CDH11: variants seen among roughly 807,000 people sequenced by gnomAD.
CDH11 encodes the protein cadherin 11, also known as cadherin-11.
In CDH11, 11 loss-of-function variants were observed where a neutral mutation model predicts 67.8. The ratio of observed to expected loss-of-function variants is 0.16; its 90% CI spans 0.10 to 0.27. CDH11 has a LOEUF of 0.27. Ranked by LOEUF, CDH11 falls within the 10% of genes least tolerant of loss-of-function variation. CDH11 has a pLI of 1.00. For missense variants in CDH11, 847 were observed against 1,031.2 expected (o/e 0.82, Z 2.45); for synonymous variants, 419 against 400.0 (o/e 1.05, Z -0.57).
rs1215746613 is a variant in CDH11 at position 64,971,629 on chromosome 16, A to G, written c.1592T>C (p.Leu531Pro). 3 of 1,613,794 alleles carry G rather than the reference A, an allele frequency of 1.9e-6. No individual in the cohort carries two copies. Among genetic ancestry groups the G allele is most frequent in the South Asian group, 2.2e-5 (2 of 91,016 alleles). Residue 531 changes from leucine (L) to proline (P), a missense_variant, in exon 11 of 13, where the codon CTA (leucine) becomes CCA (proline). Physicochemically the swap from Leu to Pro is moderately conservative, Grantham distance 98. Transcript: ENST00000268603. ...TANGPRFIFS[L>P]PPEIIHNPNF... ...TGGATTGTGAATGATTTCAGGGGGT[A>G]GGCTGAAGATAAATCTTGGTCCATT...
At chr16:65,119,179 A>G (rs2075286822) in intron 1 of CDH11, 1 of 152,198 alleles carries the variant, frequency 6.6e-6, no homozygotes, top group Admixed American at 6.5e-5. Flanking sequence ...AAGGAGAAGA[A>G]AAACCATGAA....
intron 1 of CDH11, among the ~76,000 whole-genome samples, chr16:65,119,435 G>T (rs1046691731): frequency 1.3e-5 from 2 of 151,988 alleles, no homozygotes; most frequent in African/African-American, 4.8e-5. Flanking sequence ...TAGAATTTAG[G>T]TTTCTAGTAA....
At chr16:64,981,954 T>C (rs2072361402) in intron 8 of CDH11, 94 bp downstream of exon 8, 2 of 1,144,096 alleles carry the variant, frequency 1.7e-6, no homozygotes, top group Non-Finnish European at 2.5e-6. Flanking sequence ...TGAACCCTTT[T>C]TGAAATTGAA....
chr16:64,944,355 T>C lies in CDH11; in HGVS notation c.*3248A>G, dbSNP rs2071159116. ...GCAGAGAAGTCTTTCCTCTTCTCCA[T>C]CTCCAAATTACTGAATTATTTCAGG... On this transcript the variant is annotated 3_prime_UTR_variant, in exon 13 of 13. Coordinates refer to ENST00000268603, the MANE Select transcript of CDH11 (RefSeq NM_001797.4). 2 of 232,608 alleles carry C rather than the reference T, an allele frequency of 8.6e-6. No homozygotes were observed. The highest frequency in any genetic ancestry group is 1.7e-5 in the Non-Finnish European group (2 of 117,720). The allele number at this position is 232,608 out of a possible 1,614,324, so 14.4% of individuals were successfully genotyped here. A position where few individuals can be genotyped will look rare whatever the true frequency, so the allele number is the denominator to read the frequency against.
intron 7 of CDH11, chr16:64,983,246 G>A (rs985449394): frequency 2.6e-5 from 4 of 151,906 alleles, no homozygotes; most frequent in Non-Finnish European, 4.4e-5. Flanking sequence ...AAAATGAGTA[G>A]TAGCATTTGA....
chr16:65,005,732 G>C (rs2073039778), intron 2 of CDH11, among the ~76,000 whole-genome samples: 1 of 152,180 alleles, frequency 6.6e-6, no homozygotes, highest in Non-Finnish European at 1.5e-5. Context: ...GCTTTTGTCT[G>C]GCAAAGATCC....
intron 1 of CDH11, among the ~76,000 whole-genome samples, chr16:65,089,908 A>G (rs1164494534): frequency 6.6e-6 from 1 of 152,144 alleles, no homozygotes; most frequent in African/African-American, 2.4e-5. Flanking sequence ...TTATTATTGT[A>G]TTTATTTTCA....
chr16:64,971,894 C>G (rs746759018), intron 10 of CDH11, 37 bp downstream of exon 10: 1 of 1,610,144 alleles, frequency 6.2e-7, no homozygotes, highest in South Asian at 1.1e-5. Context: ...TTTCCAAGTG[C>G]ATTGTTCCTA....
Position 64,971,560 on chromosome 16 carries a change from T to C in CDH11, c.1642+19A>G, listed in dbSNP as rs773118377. On this transcript the variant is annotated intron_variant, in intron 11 of 12. Transcript: ENST00000268603. ...TTCCAGTTCTACTTCTCTGAATGCGTAGGAACCTTAGTACAAACCTCGGTT... is the reference window on the plus strand; with the variant it reads ...TTCCAGTTCTACTTCTCTGAATGCGCAGGAACCTTAGTACAAACCTCGGTT... The C allele has an allele frequency of 2.1e-6, 3 of 1,458,134 alleles. No individual in the cohort carries two copies. Among genetic ancestry groups the C allele is most frequent in the Non-Finnish European group, 9.6e-7 (1 of 1,044,172 alleles). The allele number at this position is 1,458,134 out of a possible 1,614,324, so 90.3% of individuals were successfully genotyped here. A position where few individuals can be genotyped will look rare whatever the true frequency, so the allele number is the denominator to read the frequency against.
chr16:64,971,145 C>T (rs972999405), intron 11 of CDH11, among the ~76,000 whole-genome samples: 15 of 152,200 alleles, frequency 9.9e-5, no homozygotes, highest in African/African-American at 2.9e-4. Context: ...TACCCAGCCA[C>T]ACTGCATTAA....
chr16:64,964,604 A>T (rs1279569188), intron 11 of CDH11, among the ~76,000 whole-genome samples: 1 of 152,056 alleles, frequency 6.6e-6, no homozygotes, highest in Non-Finnish European at 1.5e-5. Context: ...GCTGGAGTGC[A>T]GTGGCCCCAT....
At chr16:65,059,229 C>A (rs1324461323) in intron 1 of CDH11, among the ~76,000 whole-genome samples, 2 of 152,144 alleles carry the variant, frequency 1.3e-5, no homozygotes, top group South Asian at 2.1e-4. Flanking sequence ...TCCCTTCCTG[C>A]AAAATCTTCA....
At chr16:65,060,952 T>C (rs566387910) in intron 1 of CDH11, among the ~76,000 whole-genome samples, 19 of 152,344 alleles carry the variant, frequency 1.2e-4, no homozygotes, top group African/African-American at 4.1e-4. Flanking sequence ...CAGTAAGTAC[T>C]GCTGTTCCTG....
intron 1 of CDH11, among the ~76,000 whole-genome samples, chr16:65,096,056 G>C (rs2142842354): frequency 6.6e-6 from 1 of 152,294 alleles, no homozygotes; most frequent in Non-Finnish European, 1.5e-5. Context: ...TACATGCTCT[G>C]ATATATACAT....
rs2071199267 is a variant in CDH11 at position 64,946,450 on chromosome 16, A to G, written c.*1153T>C. On this transcript the variant is annotated 3_prime_UTR_variant, in exon 13 of 13. Transcript: ENST00000268603. ...CTCTCATAACCATCAAATTACTGATATACAAGATAAATGCATACTATATAA... is the reference window on the plus strand; with the variant it reads ...CTCTCATAACCATCAAATTACTGATGTACAAGATAAATGCATACTATATAA... The G allele has an allele frequency of 9.7e-7, 1 of 1,032,812 alleles. No homozygotes were observed. The highest frequency in any genetic ancestry group is 5.7e-5 in the Admixed American group (1 of 17,604). 64.0% of individuals were successfully genotyped at this position (1,032,812 alleles called of 1,614,324 possible).
chr16:65,062,830 AT>A (rs1206767651), intron 1 of CDH11, among the ~76,000 whole-genome samples: 4 of 152,202 alleles, frequency 2.6e-5, no homozygotes, highest in African/African-American at 9.6e-5. Flanking sequence ...GGTCTCACCT[AT>A]TTACAAGTGC....
Position 64,982,029 on chromosome 16 carries a change from A to G in CDH11, c.1253+19T>C, listed in dbSNP as rs1462879952. The stretch of plus-strand genomic sequence containing the variant: ...TCTAAAATTCCCCATCCAAGCTCTT[A>G]AAATAAATCCGTCTGTACCTTATCG... On this transcript the variant is annotated intron_variant, in intron 8 of 12. Transcript: ENST00000268603. 6.3e-7 allele frequency: 1 copy of G among 1,576,148 alleles called. No individual in the cohort carries two copies. Among genetic ancestry groups the G allele is most frequent in the African/African-American group, 1.4e-5 (1 of 73,742 alleles).
At chr16:65,104,192 G>A (rs1159782807) in intron 1 of CDH11, among the ~76,000 whole-genome samples, 1 of 152,164 alleles carries the variant, frequency 6.6e-6, no homozygotes, top group African/African-American at 2.4e-5. Context: ...TCCTTTAAAA[G>A]TGAAGCATGA....
chr16:64,968,539 C>G, intron 11 of CDH11: 1 of 985,386 alleles, frequency 1.0e-6, no homozygotes, highest in Admixed American at 6.1e-5. Context: ...TTCTATTTTC[C>G]TGCTGCCTGC....
Sources: allele counts gnomAD v4.1 joint callset (sites outside exome capture counted in the v4.1 genomes callset), GRCh38; gene constraint gnomAD v4.1.1; transcripts MANE v1.5; gene names NCBI Gene and HGNC (gene_info 2026-07-23, HGNC 2026-07-21).